HCFC2: variants seen among roughly 807,000 people sequenced by gnomAD.
The protein encoded by HCFC2 is host cell factor C2, also known as host cell factor 2.
Under a neutral mutation model 89.2 loss-of-function variants are expected in HCFC2, and 18 were observed. The ratio of observed to expected loss-of-function variants is 0.20; its 90% CI spans 0.14 to 0.30. HCFC2 has a LOEUF of 0.30. Among genes scored for constraint, HCFC2 ranks in the 10% least tolerant of loss-of-function variants. The probability of loss-of-function intolerance (pLI) is 1.00; values close to 1 mark genes in which losing one functional copy is unlikely to be tolerated. For missense variants in HCFC2, 578 were observed against 956.1 expected (o/e 0.60, Z 5.21); for synonymous variants, 308 against 335.7 (o/e 0.92, Z 0.90).
At chr12:104,084,285 A>G (rs1883767916) in intron 7 of HCFC2, among the ~76,000 whole-genome samples, 2 of 152,260 alleles carry the variant, frequency 1.3e-5, no homozygotes, top group Non-Finnish European at 1.5e-5. Flanking sequence ...ATATGAATAC[A>G]TGAGATAGTG....
In HCFC2 at chr12:104,102,061, G is replaced by A. The variant is rs1329661057; in HGVS notation, c.1972G>A (p.Gly658Ser). Reference sequence around the variant, plus strand: ...CAGATTCAGGGTTGCTGCAATCAATGGTTGTGGGATAGGTCCTTTCAGCAA... The same window carrying A: ...CAGATTCAGGGTTGCTGCAATCAATAGTTGTGGGATAGGTCCTTTCAGCAA... ...GYRFRVAAINGCGIGPFSKIS... is the reference protein window; with the variant it reads ...GYRFRVAAINSCGIGPFSKIS... Residue 658 changes from glycine to serine, a missense_variant, in exon 14 of 15, where the codon GGT becomes AGT. Gly to Ser is a moderately conservative substitution (Grantham distance 56). Coordinates refer to ENST00000229330, the MANE Select transcript of HCFC2 (RefSeq NM_013320.3). The A allele has an allele frequency of 6.2e-7, 1 of 1,613,984 alleles. No homozygotes were observed. Among genetic ancestry groups the A allele is most frequent in the Non-Finnish European group, 8.5e-7 (1 of 1,179,980 alleles).
At chr12:104,078,525 G>A (rs2136605533) in intron 3 of HCFC2, among the ~76,000 whole-genome samples, 1 of 152,228 alleles carries the variant, frequency 6.6e-6, no homozygotes, top group Middle Eastern at 3.4e-3. Flanking sequence ...ACTTTCTAAA[G>A]TTAAAAAGCT....
intron 7 of HCFC2, among the ~76,000 whole-genome samples, chr12:104,084,332 AG>A (rs1397385130): frequency 6.6e-6 from 1 of 152,204 alleles, no homozygotes; most frequent in African/African-American, 2.4e-5. Context: ...TGGCTGCTTC[AG>A]GGTGGGTAGT....
At chr12:104,076,761 G>A (rs1000143897) in intron 3 of HCFC2, among the ~76,000 whole-genome samples, 2 of 118,324 alleles carry the variant, frequency 1.7e-5, no homozygotes, top group Middle Eastern at 6.1e-3. Context: ...TTTATTCTGC[G>A]CTTGTATTTT....
rs559279794 is a variant in HCFC2, at chr12:104,093,621, G to A, written c.1462+58G>A. 31 of 1,424,106 alleles carry A rather than the reference G, an allele frequency of 2.2e-5. No individual in the cohort carries two copies. The East Asian group carries it at 7.1e-4, about 32-fold the overall frequency. 88.2% of individuals were successfully genotyped at this position (1,424,106 alleles called of 1,614,324 possible). ...TATAAAATCGGTGGGGAATTTAATA[G>A]TCATTGAAAAAGTAAATGTTGTACA... On this transcript the variant is annotated intron_variant, in intron 10 of 14. Transcript: ENST00000229330.
intron 12 of HCFC2, 117 bp downstream of exon 12, chr12:104,096,550 T>G: frequency 1.6e-6 from 1 of 621,250 alleles, no homozygotes; most frequent in Admixed American, 2.7e-5. Flanking sequence ...TGAACTGACA[T>G]AAATTTAGAA....
intron 3 of HCFC2, among the ~76,000 whole-genome samples, chr12:104,069,255 G>A (rs1160877893): frequency 6.6e-6 from 1 of 152,104 alleles, no homozygotes; most frequent in Non-Finnish European, 1.5e-5. Flanking sequence ...GCAGTGAGCC[G>A]AGATCGTGCT....
In HCFC2 at chr12:104,064,941, G is replaced by A. The variant is rs997220904; in HGVS notation, c.163+218G>A. On this transcript the variant is annotated intron_variant, in intron 1 of 14. Transcript: ENST00000229330. The surrounding 1 kb of genome is among the most constrained non-coding windows in gnomAD (Gnocchi z 7.3). ...GGGCCCTTGGGGCGCAACGGACCCC[G>A]AGCGGGGCGCACCGGCCTTCAGGCG... is the stretch of plus-strand genomic sequence containing the variant. 30 of 406,444 alleles carry A rather than the reference G, an allele frequency of 7.4e-5. No individual in the cohort carries two copies. Among genetic ancestry groups the A allele is most frequent in the Non-Finnish European group, 1.0e-4 (24 of 233,496 alleles). The allele number at this position is 406,444 out of a possible 1,614,324, so 25.2% of individuals were successfully genotyped here.
intron 13 of HCFC2, among the ~76,000 whole-genome samples, chr12:104,099,226 A>C (rs550629657): frequency 6.6e-6 from 1 of 152,026 alleles, no homozygotes; most frequent in Non-Finnish European, 1.5e-5. Flanking sequence ...TCTCATGAGA[A>C]CTCACTATAC....
chr12:104,087,637 CAT>C (rs994083091), intron 8 of HCFC2, among the ~76,000 whole-genome samples: 5 of 151,900 alleles, frequency 3.3e-5, no homozygotes, highest in Admixed American at 6.6e-5. Context: ...TAGTAGAACA[CAT>C]AGACACGTAG....
At position 104,064,581 on chromosome 12, in the gene HCFC2, C is replaced by T; in HGVS notation, c.21C>T (p.Leu7=). ...GGAAGATGGCGGCTCCCAGCCTCCT[C>T]AACTGGAGGCGAGTTTCTTCCTTCA... MAAPSL[L]NWRRVSSFTG... is the part of the protein sequence containing the mutation. The change falls in exon 1 of 15, where the codon CTC becomes CTT. Residue 7 remains leucine (L), a synonymous_variant. Coordinates refer to ENST00000229330, the MANE Select transcript of HCFC2 (RefSeq NM_013320.3). The surrounding 1 kb of genome is among the most constrained non-coding windows in gnomAD (Gnocchi z 7.3). 3 of 1,558,980 alleles carry T rather than the reference C, an allele frequency of 1.9e-6. No homozygotes were observed. Among genetic ancestry groups the T allele is most frequent in the South Asian group, 1.2e-5 (1 of 85,244 alleles).
rs926488961 is a variant in HCFC2, at chr12:104,096,267, C to A, written c.1667-93C>A. 6 of 793,722 alleles carry A rather than the reference C, an allele frequency of 7.6e-6. No individual in the cohort carries two copies. The African/African-American group carries it at 8.7e-5, about 12-fold the overall frequency. The allele number at this position is 793,722 out of a possible 1,614,324, so 49.2% of individuals were successfully genotyped here. On this transcript the variant is annotated intron_variant, in intron 11 of 14. Coordinates refer to ENST00000229330, the MANE Select transcript of HCFC2 (RefSeq NM_013320.3). Reference sequence around the variant, plus strand: ...GCTGTCTTAGCCATTTTTAAGTTTACAGTTGGTGGCATTAAATATATATTT... The same window carrying A: ...GCTGTCTTAGCCATTTTTAAGTTTAAAGTTGGTGGCATTAAATATATATTT...
chr12:104,091,170 G>A (rs1366190411), intron 9 of HCFC2, among the ~76,000 whole-genome samples: 2 of 152,172 alleles, frequency 1.3e-5, no homozygotes, highest in Non-Finnish European at 1.5e-5. Context: ...TCACTTGAGC[G>A]ATACCGTAGC....
chr12:104,091,843 T>C lies in HCFC2; in HGVS notation c.1285-1543T>C, dbSNP rs999173424. Among the ~76,000 whole-genome samples, 5 of 152,284 alleles carry C rather than the reference T, an allele frequency of 3.3e-5. No individual in the cohort carries two copies. In the East Asian group the frequency reaches 7.7e-4, roughly 24 times the overall value. ...CTTACTGATAGGATTCTTGTGAAGA[T>C]TAAGTAAGATACAGAGTTTATGGAT... On this transcript the variant is annotated intron_variant, in intron 9 of 14. Coordinates refer to ENST00000229330, the MANE Select transcript of HCFC2 (RefSeq NM_013320.3).
chr12:104,087,412 T>A (rs1282812570), intron 8 of HCFC2, among the ~76,000 whole-genome samples: 12 of 4,584 alleles, frequency 2.6e-3, no homozygotes, highest in African/African-American at 5.3e-3. Context: ...CTGCAGTACG[T>A]GTGTGTGTGT....
Position 104,084,989 on chromosome 12 carries a change from C to A in HCFC2, c.1064-1858C>A, listed in dbSNP as rs548781912. 3.2e-4 allele frequency among the ~76,000 whole-genome samples: 48 copies of A among 152,106 alleles called. No individual in the cohort carries two copies. The South Asian group carries it at 9.1e-3, about 29-fold the overall frequency. ...GACCATGCTAAGTTTGAAATAAGATCAAGCAGGCATTTGAATGAATAGATG... is the reference window on the plus strand; with the variant it reads ...GACCATGCTAAGTTTGAAATAAGATAAAGCAGGCATTTGAATGAATAGATG... On this transcript the variant is annotated intron_variant, in intron 7 of 14. Transcript: ENST00000229330.
intron 13 of HCFC2, among the ~76,000 whole-genome samples, chr12:104,100,805 T>C (rs547515933): frequency 1.2e-4 from 19 of 152,260 alleles, no homozygotes; most frequent in African/African-American, 4.1e-4. Flanking sequence ...CCCAGTGAAA[T>C]TTCTCACTGT....
chr12:104,096,506 A>C (rs1884183244), intron 12 of HCFC2, 73 bp downstream of exon 12: 2 of 1,000,304 alleles, frequency 2.0e-6, no homozygotes, highest in Non-Finnish European at 3.1e-6. Context: ...CAACTTCTAA[A>C]TAATTTCATA....
At chr12:104,101,170 C>A (rs1421402141) in intron 13 of HCFC2, among the ~76,000 whole-genome samples, 1 of 152,088 alleles carries the variant, frequency 6.6e-6, no homozygotes, top group Non-Finnish European at 1.5e-5. Context: ...TATTTGGTGT[C>A]TGTTGAATTT....
Sources: allele counts gnomAD v4.1 joint callset (sites outside exome capture counted in the v4.1 genomes callset), GRCh38; gene constraint gnomAD v4.1.1; non-coding constraint Gnocchi (gnomAD v3.1); transcripts MANE v1.5; gene names NCBI Gene and HGNC (gene_info 2026-07-23, HGNC 2026-07-21).